DIAPH2: variants seen among roughly 807,000 people sequenced by gnomAD.
DIAPH2 encodes protein diaphanous homolog 2.
A neutral mutation model predicts 92.7 loss-of-function variants in DIAPH2; 35 were observed. The ratio of observed to expected loss-of-function variants is 0.38; its 90% confidence interval spans 0.29 to 0.50. The LOEUF (loss-of-function observed/expected upper bound fraction) is 0.50, where lower values mean the gene tolerates loss of function less well. DIAPH2 is among the 20% of genes least tolerant of loss of function. DIAPH2 has a pLI of 0.94. For missense variants in DIAPH2, 701 were observed against 819.5 expected, an observed-to-expected ratio of 0.86 and a Z score of 1.77; for synonymous variants, 301 against 280.4, an observed-to-expected ratio of 1.07 and a Z score of -0.73.
At chrX:97,300,888 C>T (rs1173868180) in intron 23 of DIAPH2, among the ~76,000 whole-genome samples, 2 of 87,015 alleles carry the variant, frequency 2.3e-5, no homozygotes, top group Non-Finnish European at 4.3e-5. Flanking sequence ...GCCGAGATCA[C>T]GCCACTGCAC....
chrX:97,336,698 C>T (rs1032883717), intron 23 of DIAPH2, among the ~76,000 whole-genome samples: 15 of 111,946 alleles, frequency 1.3e-4, no homozygotes, highest in Non-Finnish European at 3.8e-5. Flanking sequence ...ATACCTGGCA[C>T]ATAGTAGGCA....
chrX:97,507,044 C>T lies in DIAPH2; in HGVS notation c.3241+77299C>T, dbSNP rs2070840149. The stretch of plus-strand genomic sequence containing the variant: ...ATATACAGCAGACACCATATGTGGC[C>T]CACAAAGGCTAAAATATTTGCCATC... On this transcript the variant is annotated intron_variant, in intron 26 of 26. Coordinates refer to ENST00000324765, the MANE Select transcript of DIAPH2 (RefSeq NM_006729.5). Among the ~76,000 whole-genome samples the T allele has an allele frequency of 2.8e-5, 3 of 107,074 alleles. No homozygotes were observed. In the South Asian group the frequency reaches 1.2e-3, roughly 44 times the overall value. The allele number at this position is 107,074 out of a possible 115,157, so 93.0% of individuals were successfully genotyped here. A position where few individuals can be genotyped will look rare whatever the true frequency, so the allele number is the denominator to read the frequency against.
intron 5 of DIAPH2, chrX:96,885,055 T>C: frequency 1.5e-5 from 18 of 1,210,098 alleles, no homozygotes; most frequent in Non-Finnish European, 2.0e-5. Flanking sequence ...GGGCCACATC[T>C]ATCCCACTGT....
At chrX:97,011,063 G>A (rs777278373) in intron 17 of DIAPH2, among the ~76,000 whole-genome samples, 9 of 111,998 alleles carry the variant, frequency 8.0e-5, no homozygotes, top group African/African-American at 2.9e-4. Flanking sequence ...CTTCAAAAAG[G>A]AAACTCAAGA....
intron 3 of DIAPH2, 73 bp from the exon 4 acceptor site, chrX:96,758,081 A>G: frequency 1.2e-6 from 1 of 847,068 alleles, no homozygotes; most frequent in Non-Finnish European, 1.6e-6. Context: ...GAAATTATTA[A>G]TGTTTACTAA....
chrX:97,456,388 G>GAA (rs373802724), intron 26 of DIAPH2, among the ~76,000 whole-genome samples: 2 of 88,865 alleles, frequency 2.3e-5, no homozygotes, highest in Non-Finnish European at 4.5e-5. Context: ...CTCCGTCTCA[G>GAA]AAAAAAAAAA....
chrX:96,961,175 A>C (rs1459131755), intron 16 of DIAPH2, among the ~76,000 whole-genome samples: 1 of 111,036 alleles, frequency 9.0e-6, no homozygotes, highest in Non-Finnish European at 1.9e-5. Flanking sequence ...GTTCTTTTTT[A>C]CAAGTTTGGA....
At chrX:97,240,766 A>G (rs2068087527) in intron 22 of DIAPH2, among the ~76,000 whole-genome samples, 1 of 111,324 alleles carries the variant, frequency 9.0e-6, no homozygotes. Context: ...GGTAGGGTGT[A>G]GGAAAGAGGA....
chrX:96,704,025 C>T (rs138354358), intron 1 of DIAPH2, among the ~76,000 whole-genome samples: 1 of 111,257 alleles, frequency 9.0e-6, no homozygotes, highest in Non-Finnish European at 1.9e-5. Context: ...GACTGTTGGG[C>T]TCAAGGGATC....
At chrX:96,714,439 T>G (rs943710208) in intron 1 of DIAPH2, among the ~76,000 whole-genome samples, 1 of 110,439 alleles carries the variant, frequency 9.1e-6, no homozygotes, top group Non-Finnish European at 1.9e-5. Flanking sequence ...TAATTTTGTA[T>G]TTTTAGTAGA....
At chrX:97,471,688 C>G (rs1216690749) in intron 26 of DIAPH2, among the ~76,000 whole-genome samples, 1 of 20,752 alleles carries the variant, frequency 4.8e-5, no homozygotes, top group Non-Finnish European at 8.8e-5. Flanking sequence ...GAAAATCCGT[C>G]TCAAAAAAAA....
At chrX:96,991,828 T>C (rs2066074417) in intron 17 of DIAPH2, among the ~76,000 whole-genome samples, 1 of 111,151 alleles carries the variant, frequency 9.0e-6, no homozygotes, top group South Asian at 3.8e-4. Context: ...AACAGTTTGT[T>C]TTCTCTGTCT....
chrX:96,898,720 CTTTAG>C lies in DIAPH2; in HGVS notation c.588-13603_588-13599del, dbSNP rs768560798. Among the ~76,000 whole-genome samples, 100 of 106,312 alleles carry C rather than the reference CTTTAG, an allele frequency of 9.4e-4. 1 individual carries two copies. The highest frequency in any genetic ancestry group is 3.2e-3 in the African/African-American group (96 of 29,827). 92.3% of individuals were successfully genotyped at this position (106,312 alleles called of 115,157 possible). The stretch of plus-strand genomic sequence containing the variant: ...GTAGTTCTTTTGCTGTGCAGAAGCT[CTTTAG>C]TTTAATTAGATCCCATTTGTCAATT... On this transcript the variant is annotated intron_variant, in intron 5 of 26. Transcript: ENST00000324765.
chrX:97,145,235 T>C (rs1287913174), intron 22 of DIAPH2, among the ~76,000 whole-genome samples: 1 of 109,931 alleles, frequency 9.1e-6, no homozygotes, highest in Non-Finnish European at 1.9e-5. Context: ...TAGTTTATAG[T>C]ATATGCTTGA....
At chrX:96,827,495 C>T (rs2064823137) in intron 4 of DIAPH2, among the ~76,000 whole-genome samples, 1 of 111,669 alleles carries the variant, frequency 9.0e-6, no homozygotes. Context: ...AGCATTAGCA[C>T]CCCAAAAGAT....
At chrX:97,466,176 G>T (rs2070511094) in intron 26 of DIAPH2, among the ~76,000 whole-genome samples, 1 of 111,713 alleles carries the variant, frequency 9.0e-6, no homozygotes, top group African/African-American at 3.3e-5. Context: ...TCAAAGACTT[G>T]CTGTCATCAA....
At chrX:97,000,340 G>C (rs1398298582) in intron 17 of DIAPH2, among the ~76,000 whole-genome samples, 2 of 112,012 alleles carry the variant, frequency 1.8e-5, no homozygotes, top group Non-Finnish European at 3.8e-5. Context: ...TTGTGGAATT[G>C]AAATTTCTTT....
At chrX:97,312,936 C>A (rs370403773) in intron 23 of DIAPH2, among the ~76,000 whole-genome samples, 3 of 109,944 alleles carry the variant, frequency 2.7e-5, no homozygotes, top group Non-Finnish European at 5.7e-5. Context: ...CCCAGCACTT[C>A]GGGAGGCTGA....
chrX:97,583,854 G>T (rs1007711365), intron 26 of DIAPH2, among the ~76,000 whole-genome samples: 24 of 112,021 alleles, frequency 2.1e-4, no homozygotes, highest in South Asian at 1.1e-3. Context: ...CTCCGAGCCA[G>T]GTGCGGGATA....
Sources: gnomAD v4.1 joint callset for allele counts (sites outside exome capture counted in the v4.1 genomes callset) on GRCh38, gnomAD v4.1.1 for gene constraint, MANE v1.5 for transcripts, NCBI Gene and HGNC (gene_info 2026-07-23, HGNC 2026-07-21) for gene names.